GREM1: variants seen among roughly 807,000 people sequenced by gnomAD.
GREM1 encodes gremlin-1.
A neutral mutation model predicts 13.1 loss-of-function variants in GREM1; 6 were observed. That is an observed-to-expected ratio of 0.46 (90% CI 0.25 to 0.91). GREM1 has a LOEUF of 0.91. Among genes scored for constraint, GREM1 ranks in the 40% least tolerant of loss-of-function variants. The probability of loss-of-function intolerance (pLI) is 0.18; values close to 1 mark genes in which losing one functional copy is unlikely to be tolerated. For missense variants in GREM1, 185 were observed against 233.9 expected, an observed-to-expected ratio of 0.79 and a Z score of 1.36; for synonymous variants, 98 against 93.7, an observed-to-expected ratio of 1.05 and a Z score of -0.27.
At position 32,732,862 on chromosome 15, in the gene GREM1, C is replaced by A; in HGVS notation, c.*1617C>A. The A allele has an allele frequency of 4.5e-6, 1 of 220,940 alleles. No individual in the cohort carries two copies. The highest frequency in any genetic ancestry group is 9.9e-6 in the Non-Finnish European group (1 of 101,004). 13.7% of individuals were successfully genotyped at this position (220,940 alleles called of 1,614,324 possible). ...AGCCTGAGGTTTTATATACAAACTCCCTGAATACTCTTTTTGCCTTGTATC... is the reference window on the plus strand; with the variant it reads ...AGCCTGAGGTTTTATATACAAACTCACTGAATACTCTTTTTGCCTTGTATC... On this transcript the variant is annotated 3_prime_UTR_variant, in exon 2 of 2. Transcript: ENST00000651154.
chr15:32,721,990 C>G (rs1246222059), intron 1 of GREM1, among the ~76,000 whole-genome samples: 2 of 152,196 alleles, frequency 1.3e-5, no homozygotes, highest in Non-Finnish European at 1.5e-5. Context: ...CTGTCCTATG[C>G]AATGTTGGGC....
At position 32,721,583 on chromosome 15, in the gene GREM1, G is replaced by A. The variant is rs369785915; in HGVS notation, c.-2+3422G>A. Among the ~76,000 whole-genome samples the A allele has an allele frequency of 1.1e-3, 170 of 152,140 alleles. 4 individuals are homozygous for A. The South Asian group carries it at 0.018, about 17-fold the overall frequency. On this transcript the variant is annotated intron_variant, in intron 1 of 1. Transcript: ENST00000651154. ...AGCCTGGCCAAGACACTGAAATCCC[G>A]TCTCTACTAAAAATACAAAAATTAG... is the stretch of plus-strand genomic sequence containing the variant.
chr15:32,720,988 CT>C (rs1327471829), intron 1 of GREM1, among the ~76,000 whole-genome samples: 1 of 152,170 alleles, frequency 6.6e-6, no homozygotes, highest in Non-Finnish European at 1.5e-5. Context: ...AAAATCCCGT[CT>C]CTACTAAAAA....
At position 32,738,083 on chromosome 15, in the gene GREM1, C is replaced by CAAAAAAAAAAAAAAAAAAAAAAAA. The variant is rs67118209; in HGVS notation, c.*6865_*6888dup. The CAAAAAAAAAAAAAAAAAAAAAAAA allele has an allele frequency of 1.1e-4, 2 of 18,922 alleles. No homozygotes were observed. The highest frequency in any genetic ancestry group is 2.3e-4 in the African/African-American group (1 of 4,376). 1.2% of individuals were successfully genotyped at this position (18,922 alleles called of 1,614,324 possible). A position where few individuals can be genotyped will look rare whatever the true frequency, so the allele number is the denominator to read the frequency against. ...GGAGGTTCTACCTAGGGTAATTAGG[C>CAAAAAAAAAAAAAAAAAAAAAAAA]AAAAAAAAAAAAAAAAAAAAAAAAA... On this transcript the variant is annotated 3_prime_UTR_variant, in exon 2 of 2. Coordinates refer to ENST00000651154, the MANE Select transcript of GREM1 (RefSeq NM_013372.7).
intron 1 of GREM1, among the ~76,000 whole-genome samples, chr15:32,728,283 GCTTT>G (rs1275775205): frequency 6.6e-6 from 1 of 152,060 alleles, no homozygotes; most frequent in East Asian, 1.9e-4. Context: ...TAGTATAAGT[GCTTT>G]TTTTTAAAAG....
intron 1 of GREM1, among the ~76,000 whole-genome samples, chr15:32,722,075 G>A (rs2055417843): frequency 6.6e-6 from 1 of 152,184 alleles, no homozygotes; most frequent in South Asian, 2.1e-4. Flanking sequence ...AAGGGGATGA[G>A]ACTTTATCCT....
In GREM1 at chr15:32,732,350, C is replaced by T. The variant is rs1051775500; in HGVS notation, c.*1105C>T. On this transcript the variant is annotated 3_prime_UTR_variant, in exon 2 of 2. Coordinates refer to ENST00000651154, the MANE Select transcript of GREM1 (RefSeq NM_013372.7). ...CCATAATGCTTCTGAGAGCCACTAA[C>T]TTGATTGATAAAGATCCTGCCTCTG... is the stretch of plus-strand genomic sequence containing the variant. 3 of 242,354 alleles carry T rather than the reference C, an allele frequency of 1.2e-5. No homozygotes were observed. Among genetic ancestry groups the T allele is most frequent in the Non-Finnish European group, 2.6e-5 (3 of 114,612 alleles). The allele number at this position is 242,354 out of a possible 1,614,324, so 15.0% of individuals were successfully genotyped here.
rs995916128 is a variant in GREM1 at position 32,736,199 on chromosome 15, G to C, written c.*4954G>C. 1 of 152,158 alleles carries C rather than the reference G, an allele frequency of 6.6e-6. No individual in the cohort carries two copies. The highest frequency in any genetic ancestry group is 1.9e-4 in the East Asian group (1 of 5,184). The allele number at this position is 152,158 out of a possible 1,614,324, so 9.4% of individuals were successfully genotyped here. On this transcript the variant is annotated 3_prime_UTR_variant, in exon 2 of 2. Transcript: ENST00000651154. ...CCACTTGCAAGGCTATATTTGACCT[G>C]ACTGGAAGCTTCCCAGGGTAAAAAA...
chr15:32,730,067 A>T (rs2055589210), intron 1 of GREM1, among the ~76,000 whole-genome samples: 1 of 152,190 alleles, frequency 6.6e-6, no homozygotes, highest in African/African-American at 2.4e-5. Context: ...GCTTAAATGG[A>T]GTGATTTACT....
At chr15:32,727,741 C>T (rs970149951) in intron 1 of GREM1, among the ~76,000 whole-genome samples, 2 of 152,054 alleles carry the variant, frequency 1.3e-5, no homozygotes, top group Non-Finnish European at 2.9e-5. Context: ...TTTAGAAAAC[C>T]CCATCATCTC....
chr15:32,728,803 T>C (rs1303882046), intron 1 of GREM1, among the ~76,000 whole-genome samples: 2 of 152,138 alleles, frequency 1.3e-5, no homozygotes, highest in Non-Finnish European at 2.9e-5. Flanking sequence ...TCAGGTCCGA[T>C]TGTTGTGATG....
rs2055605320 is a variant in GREM1, at chr15:32,730,906, G to A, written c.216G>A (p.Glu72=). Residue 72 remains glutamate (E), a synonymous_variant, in exon 2 of 2, where the codon GAG becomes GAA. Transcript: ENST00000651154. ...QGRGTAMPGE[E]VLESSQEALH... ...GGGGCACTGCCATGCCCGGGGAGGA[G>A]GTGCTGGAGTCCAGCCAAGAGGCCC... 1 of 1,613,796 alleles carries A rather than the reference G, an allele frequency of 6.2e-7. No individual in the cohort carries two copies. Among genetic ancestry groups the A allele is most frequent in the Non-Finnish European group, 8.5e-7 (1 of 1,179,906 alleles).
At chr15:32,718,509 G>C (rs1181990073) in intron 1 of GREM1, 2 of 459,590 alleles carry the variant, frequency 4.4e-6, no homozygotes, top group South Asian at 3.1e-5. Flanking sequence ...GCGAGGGCGC[G>C]AAGTCCAGGC....
intron 1 of GREM1, among the ~76,000 whole-genome samples, chr15:32,724,376 G>A (rs1375107453): frequency 6.6e-6 from 1 of 152,246 alleles, no homozygotes; most frequent in Non-Finnish European, 1.5e-5. Context: ...CCATTTTCAG[G>A]AGGTATGGAG....
chr15:32,735,037 G>A lies in GREM1; in HGVS notation c.*3792G>A, dbSNP rs928792573. 7 of 152,318 alleles carry A rather than the reference G, an allele frequency of 4.6e-5. No homozygotes were observed. Among genetic ancestry groups the A allele is most frequent in the African/African-American group, 1.7e-4 (7 of 41,428 alleles). The allele number at this position is 152,318 out of a possible 1,614,324, so 9.4% of individuals were successfully genotyped here. Reference sequence around the variant, plus strand: ...AGAAAGATTTGGGGCTCAGTAGAAGGAAAAGCTTCCTAGTGGTAAGAGTGA... The same window carrying A: ...AGAAAGATTTGGGGCTCAGTAGAAGAAAAAGCTTCCTAGTGGTAAGAGTGA... On this transcript the variant is annotated 3_prime_UTR_variant, in exon 2 of 2. Transcript: ENST00000651154.
intron 1 of GREM1, among the ~76,000 whole-genome samples, chr15:32,729,763 T>C (rs968847884): frequency 6.6e-6 from 1 of 152,214 alleles, no homozygotes; most frequent in African/African-American, 2.4e-5. Flanking sequence ...TCATGCCCAT[T>C]TTTCTACCTT....
At chr15:32,727,741 C>G (rs970149951) in intron 1 of GREM1, among the ~76,000 whole-genome samples, 1 of 152,054 alleles carries the variant, frequency 6.6e-6, no homozygotes, top group Non-Finnish European at 1.5e-5. Flanking sequence ...TTTAGAAAAC[C>G]CCATCATCTC....
chr15:32,739,646 A>G lies in GREM1; in HGVS notation c.*8401A>G, dbSNP rs2055744564. 1 of 152,262 alleles carries G rather than the reference A, an allele frequency of 6.6e-6. No homozygotes were observed. The allele number at this position is 152,262 out of a possible 1,614,324, so 9.4% of individuals were successfully genotyped here. On this transcript the variant is annotated 3_prime_UTR_variant, in exon 2 of 2. Coordinates refer to ENST00000651154, the MANE Select transcript of GREM1 (RefSeq NM_013372.7). The stretch of plus-strand genomic sequence containing the variant: ...CAATCCACAAACACATCTATTCTGC[A>G]AAAATTCATGGCTAAATTCCTTTGT...
chr15:32,721,172 A>G (rs954648537), intron 1 of GREM1, among the ~76,000 whole-genome samples: 22 of 147,276 alleles, frequency 1.5e-4, no homozygotes, highest in Admixed American at 1.2e-3. Context: ...ACAAAACAAA[A>G]CAAACAAACA....
Sources: gnomAD v4.1 joint callset for allele counts (sites outside exome capture counted in the v4.1 genomes callset) on GRCh38, gnomAD v4.1.1 for gene constraint, MANE v1.5 for transcripts, NCBI Gene and HGNC (gene_info 2026-07-23, HGNC 2026-07-21) for gene names.